PTPN11: variants seen among roughly 807,000 people sequenced by gnomAD.
PTPN11 encodes tyrosine-protein phosphatase non-receptor type 11.
Under a neutral mutation model 78.8 loss-of-function variants are expected in PTPN11, and 6 were observed. The ratio of observed to expected loss-of-function variants is 0.08; its 90% CI spans 0.04 to 0.15. The LOEUF is 0.15. PTPN11 is among the 10% of genes least tolerant of loss of function. The probability of loss-of-function intolerance (pLI) is 1.00; values close to 1 mark genes in which losing one functional copy is unlikely to be tolerated. For missense variants in PTPN11, 386 were observed against 744.8 expected, an observed-to-expected ratio of 0.52 and a Z score of 5.61; for synonymous variants, 221 against 263.5, an observed-to-expected ratio of 0.84 and a Z score of 1.56.
In PTPN11 at chr12:112,419,733, T is replaced by C. The variant is rs566304000; in HGVS notation, c.14+608T>C. Among the ~76,000 whole-genome samples, 131 of 152,332 alleles carry C rather than the reference T, an allele frequency of 8.6e-4. 1 individual carries two copies. In the Middle Eastern group the frequency reaches 0.01, roughly 12 times the overall value. On this transcript the variant is annotated intron_variant, in intron 1 of 15. Transcript: ENST00000351677. The stretch of plus-strand genomic sequence containing the variant: ...GAAGTATTTCCTTCCTCTGCGATCT[T>C]CGCTTTGGGAGATGGAAAGGAAGGG...
rs372142748 is a variant in PTPN11, at chr12:112,471,253, C to T, written c.757-1691C>T. 1.2e-3 allele frequency among the ~76,000 whole-genome samples: 183 copies of T among 152,214 alleles called. 1 individual carries two copies. The highest frequency in any genetic ancestry group is 4.2e-3 in the African/African-American group (176 of 41,534). ...TCCTTGTAGGACTCTTTGAGGGTAG[C>T]CATTTTGGCATTTTATATATAAATT... On this transcript the variant is annotated intron_variant, in intron 6 of 15. Transcript: ENST00000351677.
intron 3 of PTPN11, among the ~76,000 whole-genome samples, chr12:112,452,543 C>CT (rs1291674198): frequency 2.7e-5 from 4 of 149,188 alleles, no homozygotes; most frequent in African/African-American, 7.4e-5. Context: ...ATTTTTTTTT[C>CT]TTGAGACAGG....
At chr12:112,472,418 C>T (rs149218621) in intron 6 of PTPN11, among the ~76,000 whole-genome samples, 1 of 152,274 alleles carries the variant, frequency 6.6e-6, no homozygotes, top group Non-Finnish European at 1.5e-5. Context: ...TTTAAATGGA[C>T]ATAGAACATT....
rs1271133312 is a variant in PTPN11 at position 112,488,461 on chromosome 12, A to G, written c.1398A>G (p.Thr466=). The part of the protein sequence containing the change: ...VVHCSAGIGR[T]GTFIVIDILI... ...CCCGCAGTGCTGGAATTGGCCGGAC[A>G]GGGACGTTCATTGTGATTGATATTC... The change falls in exon 12 of 16, where the codon ACA becomes ACG. Residue 466 remains threonine, a synonymous_variant. Transcript: ENST00000351677. 1.9e-6 allele frequency: 3 copies of G among 1,612,942 alleles called. No homozygotes were observed. The highest frequency in any genetic ancestry group is 2.5e-6 in the Non-Finnish European group (3 of 1,179,054).
intron 5 of PTPN11, 77 bp from the exon 6 acceptor site, chr12:112,455,871 GTT>G (rs140552217): frequency 0.062 from 38,796 of 629,778 alleles, no homozygotes; most frequent in South Asian, 0.072. Flanking sequence ...ACATAGACAT[GTT>G]TTTTTTTTTT....
Position 112,506,480 on chromosome 12 carries a change from GGCTGT to G in PTPN11, c.*689_*693del, listed in dbSNP as rs1471815924. ...TCCAGCCGTTGACCAATTATAGTTC[GGCTGT>G]TGACTGAGAAGTTTGTGGTGGGAAA... On this transcript the variant is annotated 3_prime_UTR_variant, in exon 16 of 16. Coordinates refer to ENST00000351677, the MANE Select transcript of PTPN11 (RefSeq NM_002834.5). 2 of 151,342 alleles carry G rather than the reference GGCTGT, an allele frequency of 1.3e-5. No homozygotes were observed. Among genetic ancestry groups the G allele is most frequent in the African/African-American group, 4.9e-5 (2 of 41,150 alleles). 9.4% of individuals were successfully genotyped at this position (151,342 alleles called of 1,614,324 possible). A position where few individuals can be genotyped will look rare whatever the true frequency, so the allele number is the denominator to read the frequency against.
chr12:112,468,907 G>A (rs1346116310), intron 6 of PTPN11, among the ~76,000 whole-genome samples: 1 of 152,136 alleles, frequency 6.6e-6, no homozygotes, highest in Non-Finnish European at 1.5e-5. Flanking sequence ...TTACAAAAAG[G>A]AAAAGAATTA....
chr12:112,505,674 A>AAC (rs1592864794), intron 15 of PTPN11, among the ~76,000 whole-genome samples, 151 bp from the exon 16 acceptor site: 1 of 150,634 alleles, frequency 6.6e-6, no homozygotes, highest in East Asian at 2.0e-4. Context: ...AAAAAAAAAA[A>AAC]AAAAAAACTC....
intron 2 of PTPN11, 34 bp downstream of exon 2, chr12:112,446,432 T>C: frequency 6.2e-7 from 1 of 1,613,664 alleles, no homozygotes; most frequent in Non-Finnish European, 8.5e-7. Context: ...ATCCTGAGAG[T>C]GTTTTCTAGG....
At chr12:112,475,323 T>G (rs1389903892) in intron 7 of PTPN11, among the ~76,000 whole-genome samples, 2 of 152,114 alleles carry the variant, frequency 1.3e-5, no homozygotes, top group Non-Finnish European at 2.9e-5. Flanking sequence ...TTACAACTTC[T>G]CTTTATTTAT....
intron 7 of PTPN11, among the ~76,000 whole-genome samples, chr12:112,473,550 GAAGA>G (rs1459676049): frequency 6.6e-6 from 1 of 152,054 alleles, no homozygotes; most frequent in African/African-American, 2.4e-5. Context: ...AAACTGCTCA[GAAGA>G]AGACTTTGTG....
intron 14 of PTPN11, 65 bp downstream of exon 14, chr12:112,502,321 AAAAC>A: frequency 7.7e-7 from 1 of 1,302,806 alleles, no homozygotes; most frequent in Non-Finnish European, 1.1e-6. Flanking sequence ...TTAAAAAACA[AAAAC>A]AAAAACAAAA....
At chr12:112,464,638 T>C (rs1050632152) in intron 6 of PTPN11, among the ~76,000 whole-genome samples, 4 of 152,190 alleles carry the variant, frequency 2.6e-5, no homozygotes, top group African/African-American at 9.6e-5. Flanking sequence ...TTGGCCAGGC[T>C]GATCTCAAAC....
At chr12:112,426,561 C>G (rs2037619188) in intron 1 of PTPN11, among the ~76,000 whole-genome samples, 2 of 151,906 alleles carry the variant, frequency 1.3e-5, no homozygotes, top group South Asian at 4.2e-4. Context: ...CCGGCCAAAA[C>G]TTTGTTTTTT....
chr12:112,478,381 T>A (rs1436648970), intron 9 of PTPN11, among the ~76,000 whole-genome samples: 1 of 151,548 alleles, frequency 6.6e-6, no homozygotes, highest in African/African-American at 2.4e-5. Context: ...GAGACCAGCC[T>A]GGGCAATGTA....
At chr12:112,477,543 A>T in intron 7 of PTPN11, 108 bp from the exon 8 acceptor site, 1 of 855,758 alleles carries the variant, frequency 1.2e-6, no homozygotes, top group Non-Finnish European at 1.9e-6. Flanking sequence ...TTTTTTTTTC[A>T]ATCATTGAAT....
intron 1 of PTPN11, among the ~76,000 whole-genome samples, chr12:112,423,084 G>C (rs1284686594): frequency 4.6e-5 from 7 of 152,178 alleles, no homozygotes; most frequent in Admixed American, 4.6e-4. Context: ...GGATTCAGAT[G>C]CCCTAAAATG....
At chr12:112,446,459 C>A (rs2135856665) in intron 2 of PTPN11, 61 bp downstream of exon 2, 2 of 1,609,850 alleles carry the variant, frequency 1.2e-6, no homozygotes, top group Non-Finnish European at 1.7e-6. Context: ...GTGGTAAAAC[C>A]ATGCTTGGAT....
chr12:112,477,868 A>G lies in PTPN11; in HGVS notation c.945A>G (p.Glu315=). 1 of 1,614,198 alleles carries G rather than the reference A, an allele frequency of 6.2e-7. No individual in the cohort carries two copies. The highest frequency in any genetic ancestry group is 1.3e-5 in the African/African-American group (1 of 75,068). The change falls in exon 9 of 16, where the codon GAA becomes GAG. Residue 315 remains glutamate, a synonymous_variant. Transcript: ENST00000351677. ...TCCTAAATTTCTAGCCTGAATTTGAAACCAAGTGCAACAATTCAAAGCCCA... is the reference window on the plus strand; with the variant it reads ...TCCTAAATTTCTAGCCTGAATTTGAGACCAAGTGCAACAATTCAAAGCCCA... ...INANIIMPEF[E]TKCNNSKPKK...
Sources: gnomAD v4.1 joint callset for allele counts (sites outside exome capture counted in the v4.1 genomes callset) on GRCh38, gnomAD v4.1.1 for gene constraint, MANE v1.5 for transcripts, NCBI Gene and HGNC (gene_info 2026-07-23, HGNC 2026-07-21) for gene names.